RAPGEF6: variants seen among roughly 807,000 people sequenced by gnomAD.
The protein encoded by RAPGEF6 is PDZ domain containing guanine nucleotide exchange factor (GEF) 2.
A neutral mutation model predicts 171.4 loss-of-function variants in RAPGEF6; 56 were observed. The observed-to-expected ratio is 0.33, with a 90% CI of 0.26 to 0.41. The LOEUF (loss-of-function observed/expected upper bound fraction) is 0.41. RAPGEF6 is among the 10% of genes least tolerant of loss of function. The pLI, the probability that RAPGEF6 is intolerant of heterozygous loss-of-function variation, is 1.00. For synonymous variants in RAPGEF6, 692 were observed against 650.1 expected, an observed-to-expected ratio of 1.06 and a Z score of -0.98; for missense variants, 1,674 against 1,921.4, an observed-to-expected ratio of 0.87 and a Z score of 2.41.
In RAPGEF6 at chr5:131,433,661, G is replaced by A; in HGVS notation, c.3746-3C>T. ...AGCTGATGGAATAAGTGTGTAACCT[G>A]AACAAGAAAAGAGCACTGATCAAAC... On this transcript the variant is annotated splice_region_variant and splice_polypyrimidine_tract_variant and intron_variant, in intron 24 of 27. Coordinates refer to ENST00000509018, the MANE Select transcript of RAPGEF6 (RefSeq NM_016340.6). 6.3e-7 allele frequency: 1 copy of A among 1,590,978 alleles called. No homozygotes were observed. The highest frequency in any genetic ancestry group is 1.1e-5 in the South Asian group (1 of 90,548).
At chr5:131,592,612 T>A (rs998064374) in intron 3 of RAPGEF6, 146 bp from the exon 4 acceptor site, 212 of 1,397,916 alleles carry the variant, frequency 1.5e-4, no homozygotes, top group Admixed American at 2.4e-4. Flanking sequence ...TTTTGCCTGT[T>A]GCCTAAGGTT....
chr5:131,577,045 A>G (rs942944206), intron 4 of RAPGEF6, among the ~76,000 whole-genome samples: 3 of 152,174 alleles, frequency 2.0e-5, no homozygotes, highest in African/African-American at 4.8e-5. Flanking sequence ...CCCGACTCAA[A>G]AAACTAAGAT....
intron 6 of RAPGEF6, among the ~76,000 whole-genome samples, chr5:131,540,811 TG>T (rs1364491787): frequency 3.9e-5 from 6 of 152,338 alleles, no homozygotes. Flanking sequence ...AGATGTTTCA[TG>T]TTTATTGGTC....
chr5:131,622,431 C>T, intron 1 of RAPGEF6, among the ~76,000 whole-genome samples: 1 of 152,146 alleles, frequency 6.6e-6, no homozygotes, highest in East Asian at 1.9e-4. Context: ...TTGACTTTAC[C>T]TTGGACCAGC....
At chr5:131,471,667 A>T (rs920610015) in intron 17 of RAPGEF6, among the ~76,000 whole-genome samples, 1 of 152,204 alleles carries the variant, frequency 6.6e-6, no homozygotes, top group Non-Finnish European at 1.5e-5. Context: ...TTCAAAGTCG[A>T]AAGTTTTCTT....
chr5:131,504,886 T>C lies in RAPGEF6; in HGVS notation c.1102-108A>G. 3 of 1,028,378 alleles carry C rather than the reference T, an allele frequency of 2.9e-6. No individual in the cohort carries two copies. In the South Asian group the frequency reaches 6.3e-5, roughly 22 times the overall value. The allele number at this position is 1,028,378 out of a possible 1,614,324, so 63.7% of individuals were successfully genotyped here. ...AAGAAATCTAGCGGCATTAGTTCTTTTTCACTTAATTCCTTTAATCTTTAA... is the reference window on the plus strand; with the variant it reads ...AAGAAATCTAGCGGCATTAGTTCTTCTTCACTTAATTCCTTTAATCTTTAA... On this transcript the variant is annotated intron_variant, in intron 10 of 27. Coordinates refer to ENST00000509018, the MANE Select transcript of RAPGEF6 (RefSeq NM_016340.6).
intron 1 of RAPGEF6, among the ~76,000 whole-genome samples, chr5:131,613,225 A>T (rs1318615192): frequency 6.6e-6 from 1 of 152,184 alleles, no homozygotes; most frequent in Non-Finnish European, 1.5e-5. Flanking sequence ...CCTGTCTAAC[A>T]CGGTGAAACC....
At chr5:131,555,942 T>C (rs1304681283) in intron 5 of RAPGEF6, among the ~76,000 whole-genome samples, 1 of 152,230 alleles carries the variant, frequency 6.6e-6, no homozygotes, top group Non-Finnish European at 1.5e-5. Context: ...CTATATAGTA[T>C]GGCCTATTGG....
chr5:131,592,616 T>A, intron 3 of RAPGEF6, 150 bp from the exon 4 acceptor site: 1 of 1,358,590 alleles, frequency 7.4e-7, no homozygotes, highest in Non-Finnish European at 9.8e-7. Flanking sequence ...GCCTGTTGCC[T>A]AAGGTTTTAT....
At chr5:131,553,277 C>T (rs1051605277) in intron 5 of RAPGEF6, among the ~76,000 whole-genome samples, 1 of 152,202 alleles carries the variant, frequency 6.6e-6, no homozygotes, top group African/African-American at 2.4e-5. Flanking sequence ...ACCACTGGTG[C>T]ACCATAACAG....
At chr5:131,508,246 G>T in intron 8 of RAPGEF6, 39 bp from the exon 9 acceptor site, 1 of 1,523,284 alleles carries the variant, frequency 6.6e-7, no homozygotes, top group South Asian at 1.3e-5. Context: ...AGACCATCGA[G>T]GACTATACCT....
chr5:131,608,840 G>A (rs563657082), intron 1 of RAPGEF6, among the ~76,000 whole-genome samples: 1 of 151,702 alleles, frequency 6.6e-6, no homozygotes, highest in Admixed American at 6.6e-5. Flanking sequence ...GCATCAGCAT[G>A]GCTCACTGCA....
At chr5:131,612,577 A>T (rs1018195798) in intron 1 of RAPGEF6, among the ~76,000 whole-genome samples, 3 of 152,216 alleles carry the variant, frequency 2.0e-5, no homozygotes, top group African/African-American at 2.4e-5. Context: ...AGGTGTAGGC[A>T]GGCAGGCACT....
chr5:131,440,908 T>C (rs1238651033), intron 23 of RAPGEF6, among the ~76,000 whole-genome samples: 1 of 152,134 alleles, frequency 6.6e-6, no homozygotes, highest in Non-Finnish European at 1.5e-5. Context: ...TCTCTCTTCA[T>C]TTCCATAGCC....
chr5:131,512,716 T>C (rs914755110), intron 7 of RAPGEF6, among the ~76,000 whole-genome samples: 30 of 152,174 alleles, frequency 2.0e-4, no homozygotes, highest in Non-Finnish European at 2.4e-4. Flanking sequence ...AAAATTCTTA[T>C]TTTGAGTGAT....
At chr5:131,560,876 G>C (rs1268422404) in intron 5 of RAPGEF6, among the ~76,000 whole-genome samples, 1 of 152,184 alleles carries the variant, frequency 6.6e-6, no homozygotes, top group African/African-American at 2.4e-5. Context: ...ACTATTTGAA[G>C]GTATCAATCT....
At chr5:131,445,158 C>T (rs1287639384) in intron 22 of RAPGEF6, among the ~76,000 whole-genome samples, 1 of 152,150 alleles carries the variant, frequency 6.6e-6, no homozygotes, top group Admixed American at 6.5e-5. Context: ...CAAATTCTGC[C>T]TCTATCCTTT....
At chr5:131,575,356 C>T (rs1176993835) in intron 4 of RAPGEF6, among the ~76,000 whole-genome samples, 1 of 152,184 alleles carries the variant, frequency 6.6e-6, no homozygotes, top group African/African-American at 2.4e-5. Context: ...TCTTACGAAT[C>T]TTCCCAACAG....
rs980713248 is a variant in RAPGEF6 at position 131,468,028 on chromosome 5, C to CA, written c.2240-3748dup. Among the ~76,000 whole-genome samples the CA allele has an allele frequency of 4.0e-3, 568 of 142,636 alleles. 3 individuals are homozygous for CA. The highest frequency in any genetic ancestry group is 0.013 in the African/African-American group (522 of 38,918). The allele number at this position is 142,636 out of a possible 152,430, so 93.6% of individuals were successfully genotyped here. ...CCTGGGTGACAGAGTGAGGCTCTGT[C>CA]AAAAAAAAAAATCTTGGGGTCGGGC... On this transcript the variant is annotated intron_variant, in intron 17 of 27. Coordinates refer to ENST00000509018, the MANE Select transcript of RAPGEF6 (RefSeq NM_016340.6).
Sources: gnomAD v4.1 joint callset for allele counts (sites outside exome capture counted in the v4.1 genomes callset) on GRCh38, gnomAD v4.1.1 for gene constraint, MANE v1.5 for transcripts, NCBI Gene and HGNC (gene_info 2026-07-23, HGNC 2026-07-21) for gene names.